GBGT1: variants seen among roughly 807,000 people sequenced by gnomAD.
GBGT1 encodes the protein globoside alpha-1,3-N-acetylgalactosaminyltransferase 1 (FORS blood group), also known as globoside alpha-1,3-N-acetylgalactosaminyltransferase 1.
A neutral mutation model predicts 20.9 loss-of-function variants in GBGT1; 18 were observed. That is an observed-to-expected ratio of 0.86 (90% CI 0.60 to 1.28). The LOEUF is 1.28. GBGT1 is among the 50% of genes most tolerant of loss of function. The pLI is 0.00. For synonymous variants in GBGT1, 168 were observed against 180.8 expected (o/e 0.93, Z 0.57); for missense variants, 432 against 455.7 (o/e 0.95, Z 0.47).
chr9:133,160,741 A>G (rs879681061), intron 3 of GBGT1, among the ~76,000 whole-genome samples: 1 of 152,088 alleles, frequency 6.6e-6, no homozygotes, highest in Non-Finnish European at 1.5e-5. Context: ...CCGATGCAGT[A>G]GCTCATGCCT....
rs61385460 is a variant in GBGT1, at chr9:133,159,988, T to TA, written c.137+1478dup. The stretch of plus-strand genomic sequence containing the variant: ...GAAATGAGAGTCTCACTAGTAATAA[T>TA]AAAAAAAAAAAAAAATTAAGGCCAG... On this transcript the variant is annotated intron_variant, in intron 3 of 6. Coordinates refer to ENST00000372040, the MANE Select transcript of GBGT1 (RefSeq NM_021996.6). The TA allele has an allele frequency of 5.1e-3, 674 of 133,196 alleles. 7 individuals carry two copies. In the East Asian group the frequency reaches 0.056, roughly 11 times the overall value. The allele number at this position is 133,196 out of a possible 1,614,324, so 8.3% of individuals were successfully genotyped here. A position where few individuals can be genotyped will look rare whatever the true frequency, so the allele number is the denominator to read the frequency against.
rs749027424 is a variant in GBGT1 at position 133,161,185 on chromosome 9, C to CT, written c.137+281dup. 3.7e-5 allele frequency: 16 copies of CT among 428,812 alleles called. No homozygotes were observed. The Middle Eastern group carries it at 1.8e-3, about 48-fold the overall frequency. 26.6% of individuals were successfully genotyped at this position (428,812 alleles called of 1,614,324 possible). Reference sequence around the variant, plus strand: ...GGCTGTTTATGGGCATCTTTGCACTCTGTGTTCTCAGTGGCCAGACACAGC... The same window carrying CT: ...GGCTGTTTATGGGCATCTTTGCACTCTTGTGTTCTCAGTGGCCAGACACAGC... On this transcript the variant is annotated intron_variant, in intron 3 of 6. Coordinates refer to ENST00000372040, the MANE Select transcript of GBGT1 (RefSeq NM_021996.6).
rs113770098 is a variant in GBGT1, at chr9:133,161,396, A to G, written c.137+71T>C. The G allele has an allele frequency of 6.0e-3, 5,251 of 870,354 alleles. 39 individuals carry two copies. The highest frequency in any genetic ancestry group is 0.017 in the Middle Eastern group (59 of 3,502). The allele number at this position is 870,354 out of a possible 1,614,324, so 53.9% of individuals were successfully genotyped here. On this transcript the variant is annotated intron_variant, in intron 3 of 6. Transcript: ENST00000372040. ...GAACCGGCAGATGAAGTGAACTTAAATACTCTCCTGTCTCCCCAACTGTGA... is the reference window on the plus strand; with the variant it reads ...GAACCGGCAGATGAAGTGAACTTAAGTACTCTCCTGTCTCCCCAACTGTGA...
chr9:133,154,084 T>C lies in GBGT1; in HGVS notation c.537A>G (p.Thr179=). 1.9e-6 allele frequency: 3 copies of C among 1,613,334 alleles called. No individual in the cohort carries two copies. The East Asian group carries it at 6.7e-5, about 36-fold the overall frequency. The stretch of plus-strand genomic sequence containing the variant: ...TGATGGTCTCCATCCGGCGCATGGA[T>C]GTCTCCTCCCAGTGGGAGTGACCCT... ...PIQGHSHWEE[T]SMRRMETISQ... is the part of the protein sequence containing the mutation. Residue 179 remains threonine (T), a synonymous_variant, in exon 7 of 7, where the codon ACA becomes ACG. Coordinates refer to ENST00000372040, the MANE Select transcript of GBGT1 (RefSeq NM_021996.6). The surrounding 1 kb of genome is among the most constrained non-coding windows in gnomAD (Gnocchi z 4.2).
At chr9:133,161,962 A>T (rs1416310925) in intron 2 of GBGT1, among the ~76,000 whole-genome samples, 1 of 152,160 alleles carries the variant, frequency 6.6e-6, no homozygotes, top group East Asian at 1.9e-4. Flanking sequence ...TACAAGGCAG[A>T]ATTCAGAAGC....
chr9:133,154,896 A>C lies in GBGT1; in HGVS notation c.359+282T>G. Reference sequence around the variant, plus strand: ...AGAGACAAGGGCAGAGGAGGGGTCTAGATGAAACAGGGAGGGGCAAGGGGG... The same window carrying C: ...AGAGACAAGGGCAGAGGAGGGGTCTCGATGAAACAGGGAGGGGCAAGGGGG... On this transcript the variant is annotated intron_variant, in intron 6 of 6. Coordinates refer to ENST00000372040, the MANE Select transcript of GBGT1 (RefSeq NM_021996.6). This position sits in a 1 kb window ranked among gnomAD's most constrained non-coding sequence, Gnocchi z 4.2. 1 of 390,592 alleles carries C rather than the reference A, an allele frequency of 2.6e-6. No individual in the cohort carries two copies. Among genetic ancestry groups the C allele is most frequent in the Admixed American group, 4.0e-5 (1 of 25,294 alleles). 24.2% of individuals were successfully genotyped at this position (390,592 alleles called of 1,614,324 possible). A position where few individuals can be genotyped will look rare whatever the true frequency, so the allele number is the denominator to read the frequency against.
At chr9:133,159,567 G>A (rs1351538484) in intron 3 of GBGT1, among the ~76,000 whole-genome samples, 2 of 152,206 alleles carry the variant, frequency 1.3e-5, no homozygotes, top group African/African-American at 2.4e-5. Context: ...GAGTTGGGAC[G>A]ACCCCTTGAG....
intron 1 of GBGT1, chr9:133,163,219 C>T (rs984324517): frequency 1.3e-5 from 2 of 152,308 alleles, no homozygotes; most frequent in Admixed American, 6.5e-5. Flanking sequence ...GGAAGGGGCG[C>T]CCAGGATTCC....
chr9:133,157,113 A>G (rs35200151), intron 3 of GBGT1, among the ~76,000 whole-genome samples: 28,851 of 151,850 alleles, frequency 0.19, 3,016 homozygotes, highest in Non-Finnish European at 0.22. Context: ...GCAAGACCTC[A>G]TCTCTACAAA....
Position 133,154,927 on chromosome 9 carries a change from T to C in GBGT1, c.359+251A>G. 2.3e-6 allele frequency: 1 copy of C among 444,316 alleles called. No homozygotes were observed. Among genetic ancestry groups the C allele is most frequent in the South Asian group, 4.9e-5 (1 of 20,272 alleles). 27.5% of individuals were successfully genotyped at this position (444,316 alleles called of 1,614,324 possible). A position where few individuals can be genotyped will look rare whatever the true frequency, so the allele number is the denominator to read the frequency against. ...AACAGGGAGGGGCAAGGGGGCCTCC[T>C]GACAAAGGCTCCTGCTGTCCCCTCA... On this transcript the variant is annotated intron_variant, in intron 6 of 6. Coordinates refer to ENST00000372040, the MANE Select transcript of GBGT1 (RefSeq NM_021996.6). This position sits in a 1 kb window ranked among gnomAD's most constrained non-coding sequence, Gnocchi z 4.2.
intron 3 of GBGT1, 163 bp downstream of exon 3, chr9:133,161,304 G>T: frequency 7.3e-6 from 4 of 545,798 alleles, no homozygotes. Flanking sequence ...TTCACTTCAC[G>T]CTTGTCACAG....
intron 3 of GBGT1, chr9:133,160,093 C>G (rs1328002194): frequency 3.7e-6 from 1 of 272,424 alleles, no homozygotes; most frequent in Non-Finnish European, 7.9e-6. Flanking sequence ...GGGCAAAGAC[C>G]AACCTGGCCA....
Position 133,154,869 on chromosome 9 carries a change from GGA to G in GBGT1, c.359+307_359+308del, listed in dbSNP as rs1278025450. ...TAAAGGAAGGCCAGGTGGGGTCATG[GGA>G]GAGACAAGGGCAGAGGAGGGGTCTA... On this transcript the variant is annotated intron_variant, in intron 6 of 6. Transcript: ENST00000372040. This position sits in a 1 kb window ranked among gnomAD's most constrained non-coding sequence, Gnocchi z 4.2. The G allele has an allele frequency of 1.7e-5, 5 of 302,794 alleles. No homozygotes were observed. The East Asian group carries it at 2.9e-4, about 17-fold the overall frequency. The allele number at this position is 302,794 out of a possible 1,614,324, so 18.8% of individuals were successfully genotyped here. A position where few individuals can be genotyped will look rare whatever the true frequency, so the allele number is the denominator to read the frequency against.
intron 3 of GBGT1, among the ~76,000 whole-genome samples, chr9:133,159,265 T>G (rs1208811919): frequency 1.3e-5 from 2 of 152,208 alleles, no homozygotes; most frequent in Non-Finnish European, 2.9e-5. Flanking sequence ...CCAGCCAAGT[T>G]GCTACTCTTG....
Position 133,155,929 on chromosome 9 carries a change from A to T in GBGT1, c.196T>A (p.Tyr66Asn). Reference sequence around the variant, plus strand: ...TGCTCCAGCAGCTTGGGCTGAGGGTACTGTGACCTGCAACCAAGAAGGACC... The same window carrying T: ...TGCTCCAGCAGCTTGGGCTGAGGGTTCTGTGACCTGCAACCAAGAAGGACC... Reference protein sequence around the residue: ...KPLQPVVWSQYPQPKLLEHRP... With the variant: ...KPLQPVVWSQNPQPKLLEHRP... Residue 66 changes from tyrosine to asparagine, a missense_variant, in exon 5 of 7, where the codon TAC (tyrosine) becomes AAC (asparagine). Coordinates refer to ENST00000372040, the MANE Select transcript of GBGT1 (RefSeq NM_021996.6). 6.2e-7 allele frequency: 1 copy of T among 1,614,188 alleles called. No individual in the cohort carries two copies.
chr9:133,158,703 T>C (rs1050477063), intron 3 of GBGT1, among the ~76,000 whole-genome samples: 3 of 152,224 alleles, frequency 2.0e-5, no homozygotes, highest in Non-Finnish European at 4.4e-5. Flanking sequence ...ATTTACTACT[T>C]TAGCCATCTT....
At chr9:133,159,382 A>G (rs911931851) in intron 3 of GBGT1, among the ~76,000 whole-genome samples, 13 of 152,234 alleles carry the variant, frequency 8.5e-5, no homozygotes, top group Admixed American at 6.5e-5. Flanking sequence ...GATTCCAAGA[A>G]GCGGTCAGGA....
In GBGT1 at chr9:133,161,482, G is replaced by A; in HGVS notation, c.122C>T (p.Pro41Leu). Residue 41 changes from proline (P) to leucine (L), a missense_variant, in exon 3 of 7, where the codon CCC (proline) becomes CTC (leucine). Pro to Leu is a moderately conservative substitution (Grantham distance 98, BLOSUM62 -3). Coordinates refer to ENST00000372040, the MANE Select transcript of GBGT1 (RefSeq NM_021996.6). Reference sequence around the variant, plus strand: ...CCATACTTACAAGATCTCTGGGCAGGGGAGATAATAGGGGACATAGGAGAC... The same window carrying A: ...CCATACTTACAAGATCTCTGGGCAGAGGAGATAATAGGGGACATAGGAGAC... ...LPVSYVPYYL[P>L]CPEIFNMKLH... 6.2e-7 allele frequency: 1 copy of A among 1,609,388 alleles called. No homozygotes were observed. Among genetic ancestry groups the A allele is most frequent in the Non-Finnish European group, 8.5e-7 (1 of 1,176,738 alleles).
chr9:133,153,877 A>G lies in GBGT1; in HGVS notation c.744T>C (p.Thr248=). ...CCCCTTCGCTGTCTGCCACAAAGGCAGTGGAAACACGCCTGCGCTCATAGG... is the reference window on the plus strand; with the variant it reads ...CCCCTTCGCTGTCTGCCACAAAGGCGGTGGAAACACGCCTGCGCTCATAGG... The part of the protein sequence containing the change: ...QFPYERRRVS[T]AFVADSEGDF... Residue 248 remains threonine, a synonymous_variant, in exon 7 of 7, where the codon ACT becomes ACC. Transcript: ENST00000372040. 4.4e-6 allele frequency: 7 copies of G among 1,602,598 alleles called. No individual in the cohort carries two copies. The highest frequency in any genetic ancestry group is 6.0e-6 in the Non-Finnish European group (7 of 1,171,420).
Sources: allele counts gnomAD v4.1 joint callset (sites outside exome capture counted in the v4.1 genomes callset), GRCh38; gene constraint gnomAD v4.1.1; non-coding constraint Gnocchi (gnomAD v3.1); transcripts MANE v1.5; gene names NCBI Gene and HGNC (gene_info 2026-07-23, HGNC 2026-07-21).